TUBB1: variants seen among roughly 807,000 people sequenced by gnomAD.
TUBB1 encodes the protein tubulin beta 1 class VI.
TUBB1 carries 28 observed loss-of-function variants against 22.6 expected under a neutral mutation model. The ratio of observed to expected loss-of-function variants is 1.24; its 90% CI spans 0.92 to 1.70. The LOEUF (loss-of-function observed/expected upper bound fraction) is 1.70. TUBB1 is among the 40% of genes most tolerant of loss of function. The pLI is 0.00. For missense variants in TUBB1, 577 were observed against 605.5 expected (o/e 0.95, Z 0.49); for synonymous variants, 226 against 238.0 (o/e 0.95, Z 0.46).
chr20:59,021,627 G>A (rs191365161), intron 1 of TUBB1, among the ~76,000 whole-genome samples: 5 of 152,314 alleles, frequency 3.3e-5, no homozygotes, highest in African/African-American at 1.2e-4. Flanking sequence ...GACTGGAAGT[G>A]CAGTATGTTT....
Position 59,024,127 on chromosome 20 carries a change from A to T in TUBB1, c.700A>T (p.Ser234Cys). 4 of 1,614,186 alleles carry T rather than the reference A, an allele frequency of 2.5e-6. No individual in the cohort carries two copies. Among genetic ancestry groups the T allele is most frequent in the Non-Finnish European group, 2.5e-6 (3 of 1,180,024 alleles). ...DLNHLVSLTM[S>C]GITTSLRFPG... is the part of the protein sequence containing the mutation. ...CAACCACCTAGTGTCCTTGACCATG[A>T]GCGGCATAACCACCTCCCTCCGGTT... is the stretch of plus-strand genomic sequence containing the variant. Residue 234 changes from serine (S) to cysteine (C), a missense_variant, in exon 4 of 4, where the codon AGC becomes TGC. Physicochemically the swap from Ser to Cys is moderately radical, Grantham distance 112 (BLOSUM62 -1). Coordinates refer to ENST00000217133, the MANE Select transcript of TUBB1 (RefSeq NM_030773.4). The surrounding 1 kb of genome is among the most constrained non-coding windows in gnomAD (Gnocchi z 4.9).
At chr20:59,023,403 T>C in intron 2 of TUBB1, 87 bp from the exon 3 acceptor site, 12 of 1,215,752 alleles carry the variant, frequency 9.9e-6, no homozygotes, top group Non-Finnish European at 1.2e-5. Context: ...TGATTTTTTT[T>C]GGACCAGTAT....
upstream of TUBB1, among the ~76,000 whole-genome samples, chr20:59,018,709 C>A (rs1198027376): frequency 6.6e-6 from 1 of 152,164 alleles, no homozygotes; most frequent in African/African-American, 2.4e-5. Context: ...ACACCCGGCT[C>A]TAAGGGAATA....
intron 1 of TUBB1, among the ~76,000 whole-genome samples, chr20:59,021,586 A>G (rs1390992110): frequency 2.0e-5 from 3 of 152,240 alleles, no homozygotes; most frequent in African/African-American, 2.4e-5. Flanking sequence ...AGAGCTTGGC[A>G]CATATCTATA....
intron 1 of TUBB1, 26 bp downstream of exon 1, chr20:59,019,605 T>C: frequency 6.2e-7 from 1 of 1,613,412 alleles, no homozygotes; most frequent in Non-Finnish European, 8.5e-7. Context: ...TTACTAATCC[T>C]AGCTTTACCA....
upstream of TUBB1, among the ~76,000 whole-genome samples, chr20:59,016,617 G>A (rs1281541543): frequency 6.6e-6 from 1 of 152,204 alleles, no homozygotes; most frequent in African/African-American, 2.4e-5. Flanking sequence ...GGGAAAAGAG[G>A]CCAAGGCACG....
rs1183265750 is a variant in TUBB1 at position 59,024,754 on chromosome 20, G to T, written c.1327G>T (p.Glu443Ter). The change falls in exon 4 of 4, where the codon GAA (glutamate) becomes TAA (stop). Residue 443 changes from glutamate to a stop codon, truncating the protein, a stop_gained. Coordinates refer to ENST00000217133, the MANE Select transcript of TUBB1 (RefSeq NM_030773.4). LOFTEE classifies it low-confidence loss of function (END_TRUNC). This position sits in a 1 kb window ranked among gnomAD's most constrained non-coding sequence, Gnocchi z 4.9. The stretch of plus-strand genomic sequence containing the variant: ...AGATGAAGAGGTCACGGAGGAGGCA[G>T]AAATGGAGCCAGAAGATAAGGGACA... ...EEDEEVTEEA[E>*]MEPEDKGH The T allele has an allele frequency of 1.2e-6, 2 of 1,614,074 alleles. No individual in the cohort carries two copies. Among genetic ancestry groups the T allele is most frequent in the African/African-American group, 2.7e-5 (2 of 74,926 alleles).
intron 1 of TUBB1, among the ~76,000 whole-genome samples, chr20:59,020,375 G>A (rs1224574483): frequency 6.6e-6 from 1 of 152,208 alleles, no homozygotes; most frequent in Admixed American, 6.5e-5. Flanking sequence ...GTAGAGATGG[G>A]GTTTCACCAT....
chr20:59,020,310 C>T (rs1226755914), intron 1 of TUBB1, among the ~76,000 whole-genome samples: 13 of 152,130 alleles, frequency 8.5e-5, no homozygotes, highest in African/African-American at 2.9e-4. Context: ...TCAGCCTCCC[C>T]AGTAGCTGGG....
chr20:59,021,554 C>T (rs543404680), intron 1 of TUBB1, among the ~76,000 whole-genome samples: 2 of 152,254 alleles, frequency 1.3e-5, no homozygotes, highest in Admixed American at 1.3e-4. Flanking sequence ...AAGGAGTCTT[C>T]CCAGTAACTG....
chr20:59,022,051 G>C (rs2091970028), intron 1 of TUBB1, among the ~76,000 whole-genome samples: 1 of 151,768 alleles, frequency 6.6e-6, no homozygotes, highest in African/African-American at 2.4e-5. Flanking sequence ...AAAAAAGAAA[G>C]AAAGGCCGGG....
upstream of TUBB1, chr20:59,019,324 G>A: frequency 1.6e-6 from 1 of 633,630 alleles, no homozygotes; most frequent in Non-Finnish European, 2.8e-6. Context: ...AAGCAGAGAA[G>A]GGCCAGGACT....
At chr20:59,018,048 C>T (rs989024405), upstream of TUBB1, among the ~76,000 whole-genome samples, 3 of 152,358 alleles carry the variant, frequency 2.0e-5, no homozygotes, top group Admixed American at 1.3e-4. Flanking sequence ...GAGGCCTTGC[C>T]CTGTACCTGC....
At position 59,024,876 on chromosome 20, in the gene TUBB1, T is replaced by A. The variant is rs2091987426; in HGVS notation, c.*93T>A. The A allele has an allele frequency of 9.1e-7, 1 of 1,101,018 alleles. No homozygotes were observed. Among genetic ancestry groups the A allele is most frequent in the African/African-American group, 1.5e-5 (1 of 64,602 alleles). 68.2% of individuals were successfully genotyped at this position (1,101,018 alleles called of 1,614,324 possible). On this transcript the variant is annotated 3_prime_UTR_variant, in exon 4 of 4. Transcript: ENST00000217133. This position sits in a 1 kb window ranked among gnomAD's most constrained non-coding sequence, Gnocchi z 4.9. ...CAGCACTCCAAAACCCACTCTGCACTGCAGCACAGTGAATGATATGCACTC... is the reference window on the plus strand; with the variant it reads ...CAGCACTCCAAAACCCACTCTGCACAGCAGCACAGTGAATGATATGCACTC...
intron 1 of TUBB1, among the ~76,000 whole-genome samples, chr20:59,020,783 TCCC>T (rs749897228): frequency 8.5e-5 from 13 of 152,096 alleles, no homozygotes; most frequent in Non-Finnish European, 1.3e-4. Context: ...CTTAAAAATT[TCCC>T]CCAAGTACGT....
At chr20:59,019,606 A>G (rs1244339601) in intron 1 of TUBB1, 27 bp downstream of exon 1, 12 of 1,613,368 alleles carry the variant, frequency 7.4e-6, no homozygotes, top group Non-Finnish European at 1.0e-5. Context: ...TACTAATCCT[A>G]GCTTTACCAC....
At chr20:59,023,639 G>C (rs1398326940) in intron 3 of TUBB1, 39 bp downstream of exon 3, 1 of 1,612,882 alleles carries the variant, frequency 6.2e-7, no homozygotes, top group Non-Finnish European at 8.5e-7. Context: ...AGGAGGGGGG[G>C]ATGCTTTACT....
upstream of TUBB1, among the ~76,000 whole-genome samples, chr20:59,016,745 G>T (rs1477481599): frequency 6.6e-6 from 1 of 152,178 alleles, no homozygotes; most frequent in Non-Finnish European, 1.5e-5. Flanking sequence ...GGGGACCTAT[G>T]AATAGGTCTG....
upstream of TUBB1, among the ~76,000 whole-genome samples, chr20:59,018,192 G>A (rs775733147): frequency 6.6e-6 from 1 of 152,192 alleles, no homozygotes; most frequent in Non-Finnish European, 1.5e-5. Flanking sequence ...CTGTCCTCCA[G>A]GCGGTGGGGA....
Sources: allele counts gnomAD v4.1 joint callset (sites outside exome capture counted in the v4.1 genomes callset), GRCh38; gene constraint gnomAD v4.1.1; non-coding constraint Gnocchi (gnomAD v3.1); transcripts MANE v1.5; gene names NCBI Gene and HGNC (gene_info 2026-07-23, HGNC 2026-07-21).